Variants in NCAPD3 observed in about 807,000 individuals in gnomAD.
NCAPD3 encodes the protein non-SMC condensin II complex subunit D3, also known as condensin-2 complex subunit D3.
A neutral mutation model predicts 182.9 loss-of-function variants in NCAPD3; 105 were observed. The ratio of observed to expected loss-of-function variants is 0.57; its 90% CI spans 0.49 to 0.68. The LOEUF (loss-of-function observed/expected upper bound fraction) is 0.68, where lower values mean the gene tolerates loss of function less well. NCAPD3 is among the 30% of genes least tolerant of loss of function. NCAPD3 has a pLI of 0.00. For missense variants in NCAPD3, 1,944 were observed against 1,837.0 expected (o/e 1.06, Z -1.07); for synonymous variants, 815 against 679.9 (o/e 1.20, Z -3.09).
In NCAPD3 at chr11:134,151,565, G is replaced by T. The variant is rs1479303945; in HGVS notation, c.*1379C>A. 2.0e-5 allele frequency: 3 copies of T among 152,226 alleles called. No homozygotes were observed. The East Asian group carries it at 5.8e-4, about 29-fold the overall frequency. 9.4% of individuals were successfully genotyped at this position (152,226 alleles called of 1,614,324 possible). ...GTCTGGGAAGTAGCTGCCTATAACTGAGACTAGACGGAAAAGGAATACTCG... is the reference window on the plus strand; with the variant it reads ...GTCTGGGAAGTAGCTGCCTATAACTTAGACTAGACGGAAAAGGAATACTCG... On this transcript the variant is annotated 3_prime_UTR_variant, in exon 35 of 35. Coordinates refer to ENST00000534548, the MANE Select transcript of NCAPD3 (RefSeq NM_015261.3).
At chr11:134,219,318 T>C (rs1203108292) in intron 2 of NCAPD3, among the ~76,000 whole-genome samples, 1 of 152,130 alleles carries the variant, frequency 6.6e-6, no homozygotes, top group Non-Finnish European at 1.5e-5. Context: ...TTTTTCACAG[T>C]GTGGTTCGTA....
At chr11:134,223,564 A>G in intron 1 of NCAPD3, 2 of 690,530 alleles carry the variant, frequency 2.9e-6, no homozygotes, top group South Asian at 1.5e-5. Context: ...GTAAGAATAG[A>G]TAGGTGCACG....
intron 28 of NCAPD3, 130 bp from the exon 29 acceptor site, chr11:134,160,204 A>G (rs1471394401): frequency 4.5e-6 from 4 of 881,568 alleles, no homozygotes; most frequent in Non-Finnish European, 5.1e-6. Flanking sequence ...AACGCAAAAT[A>G]AAAGTTAAGA....
intron 16 of NCAPD3, 133 bp downstream of exon 16, chr11:134,192,556 G>T: frequency 1.4e-6 from 1 of 726,430 alleles, no homozygotes; most frequent in Non-Finnish European, 2.2e-6. Context: ...GGGAAAGAGA[G>T]ACCAATACTT....
rs1271570573 is a variant in NCAPD3 at position 134,220,679 on chromosome 11, A to G, written c.112T>C (p.Leu38=). 1.2e-6 allele frequency: 2 copies of G among 1,614,094 alleles called. No individual in the cohort carries two copies. The highest frequency in any genetic ancestry group is 3.3e-5 in the Admixed American group (2 of 60,012). Residue 38 remains leucine, a synonymous_variant, in exon 2 of 35, where the codon TTG becomes CTG. Coordinates refer to ENST00000534548, the MANE Select transcript of NCAPD3 (RefSeq NM_015261.3). ...ATCTCTGCTTCTATGCTGGGATCCAAAGGCTCAGTCTCTGTGAAATCCAGT... is the reference window on the plus strand; with the variant it reads ...ATCTCTGCTTCTATGCTGGGATCCAGAGGCTCAGTCTCTGTGAAATCCAGT... ...WELDFTETEP[L]DPSIEAEIIE...
chr11:134,172,526 T>A (rs2135966622), intron 24 of NCAPD3, among the ~76,000 whole-genome samples: 1 of 152,304 alleles, frequency 6.6e-6, no homozygotes, highest in East Asian at 1.9e-4. Context: ...CCCTTTTCTA[T>A]CTCAATGGTC....
Position 134,152,741 on chromosome 11 carries a change from A to ATCTC in NCAPD3, c.*199_*202dup. 3 of 469,014 alleles carry ATCTC rather than the reference A, an allele frequency of 6.4e-6. No individual in the cohort carries two copies. In the South Asian group the frequency reaches 1.7e-4, roughly 27 times the overall value. 29.1% of individuals were successfully genotyped at this position (469,014 alleles called of 1,614,324 possible). A position where few individuals can be genotyped will look rare whatever the true frequency, so the allele number is the denominator to read the frequency against. The stretch of plus-strand genomic sequence containing the variant: ...GGGTAAGAAAATCTAAATCTGGCAC[A>ATCTC]TCTCTATTATTTGACAGTGTTTAAC... On this transcript the variant is annotated 3_prime_UTR_variant, in exon 35 of 35. Coordinates refer to ENST00000534548, the MANE Select transcript of NCAPD3 (RefSeq NM_015261.3).
chr11:134,170,848 C>T (rs1209647496), intron 24 of NCAPD3, among the ~76,000 whole-genome samples: 1 of 152,188 alleles, frequency 6.6e-6, no homozygotes, highest in Non-Finnish European at 1.5e-5. Flanking sequence ...AAGCCACAGC[C>T]AATGTGTGAT....
At chr11:134,194,218 C>A in intron 14 of NCAPD3, 68 bp from the exon 15 acceptor site, 1 of 1,487,100 alleles carries the variant, frequency 6.7e-7, no homozygotes, top group South Asian at 1.3e-5. Context: ...AAACTGTTAA[C>A]AAAGGAACAC....
rs1196337427 is a variant in NCAPD3, at chr11:134,206,741, GAA to G, written c.883-11_883-10del. The G allele has an allele frequency of 1.3e-6, 2 of 1,596,654 alleles. No homozygotes were observed. The highest frequency in any genetic ancestry group is 1.8e-5 in the Admixed American group (1 of 55,398). On this transcript the variant is annotated splice_polypyrimidine_tract_variant and intron_variant, in intron 7 of 34. Transcript: ENST00000534548. Reference sequence around the variant, plus strand: ...AAAACACAACTGATGACCTAGAAGAGAAAAGAAAATTCAATTTAAGATCGGAT... The same window carrying G: ...AAAACACAACTGATGACCTAGAAGAGAAGAAAATTCAATTTAAGATCGGAT...
At position 134,216,946 on chromosome 11, in the gene NCAPD3, T is replaced by C. The variant is rs1243006245; in HGVS notation, c.372A>G (p.Leu124=). The change falls in exon 3 of 35, where the codon CTA becomes CTG. Residue 124 remains leucine (L), a synonymous_variant. Coordinates refer to ENST00000534548, the MANE Select transcript of NCAPD3 (RefSeq NM_015261.3). The stretch of plus-strand genomic sequence containing the variant: ...ATCAGGTCTACATACCTGGTACTTC[T>C]AGTAGCAAAAAGTAAAGCCCAGCGG... ...LHAAGLYFLL[L]EVPGSVANQV... The C allele has an allele frequency of 6.2e-7, 1 of 1,610,390 alleles. No individual in the cohort carries two copies. The highest frequency in any genetic ancestry group is 2.2e-5 in the East Asian group (1 of 44,852).
In NCAPD3 at chr11:134,161,895, G is replaced by A. The variant is rs565047074; in HGVS notation, c.3574-4C>T. 1.4e-6 allele frequency: 2 copies of A among 1,440,464 alleles called. No homozygotes were observed. Among genetic ancestry groups the A allele is most frequent in the East Asian group, 2.3e-5 (1 of 43,554 alleles). 89.2% of individuals were successfully genotyped at this position (1,440,464 alleles called of 1,614,324 possible). On this transcript the variant is annotated splice_polypyrimidine_tract_variant and splice_region_variant and intron_variant, in intron 27 of 34. Coordinates refer to ENST00000534548, the MANE Select transcript of NCAPD3 (RefSeq NM_015261.3). ...CTATGAAATTCCTCTTCTGAACCTG[G>A]TAACACAAACAAAGACATGTTTTAG...
intron 24 of NCAPD3, 79 bp from the exon 25 acceptor site, chr11:134,169,133 G>T (rs900190952): frequency 1.4e-6 from 2 of 1,388,808 alleles, no homozygotes; most frequent in African/African-American, 2.9e-5. Flanking sequence ...GAACTCTGCT[G>T]AGCAGAGGAG....
chr11:134,223,680 C>T (rs541480918), intron 1 of NCAPD3, among the ~76,000 whole-genome samples, 183 bp downstream of exon 1: 1 of 152,306 alleles, frequency 6.6e-6, no homozygotes, highest in Admixed American at 6.5e-5. Flanking sequence ...CCGGCTTGAG[C>T]CCCCACGGGA....
intron 29 of NCAPD3, 119 bp downstream of exon 29, chr11:134,159,773 G>A: frequency 1.4e-5 from 15 of 1,085,958 alleles, no homozygotes; most frequent in Non-Finnish European, 1.8e-5. Flanking sequence ...CACTCTCGAG[G>A]CCTTCGGGCT....
At chr11:134,158,733 G>A (rs1421371355) in intron 29 of NCAPD3, among the ~76,000 whole-genome samples, 3 of 152,130 alleles carry the variant, frequency 2.0e-5, no homozygotes, top group African/African-American at 4.8e-5. Context: ...TTGTTAAACT[G>A]TAATATCTCC....
intron 19 of NCAPD3, 130 bp from the exon 20 acceptor site, chr11:134,181,314 C>A (rs925306010): frequency 4.9e-6 from 3 of 612,498 alleles, no homozygotes; most frequent in Middle Eastern, 4.3e-4. Context: ...TAGCTTTCCT[C>A]TTTCCCACAA....
chr11:134,196,566 A>C (rs1454590999), intron 13 of NCAPD3, among the ~76,000 whole-genome samples: 1 of 148,702 alleles, frequency 6.7e-6, no homozygotes, highest in Non-Finnish European at 1.5e-5. Context: ...GATTTGCTTG[A>C]GCTGGGAGGC....
Position 134,160,012 on chromosome 11 carries a change from T to C in NCAPD3, c.3747A>G (p.Ala1249=), listed in dbSNP as rs1253481846. The C allele has an allele frequency of 3.7e-6, 6 of 1,614,194 alleles. No individual in the cohort carries two copies. Among genetic ancestry groups the C allele is most frequent in the East Asian group, 2.2e-5 (1 of 44,882 alleles). ...KDFFAVDKQL[A]SELEYDMKKY... ...TCTTCATGTCATACTCAAGCTCTGA[T>C]GCCAGCTGTTTGTCAACTGCAAAGA... is the stretch of plus-strand genomic sequence containing the variant. Residue 1249 remains alanine (A), a synonymous_variant, in exon 29 of 35, where the codon GCA becomes GCG. Coordinates refer to ENST00000534548, the MANE Select transcript of NCAPD3 (RefSeq NM_015261.3).
Sources: allele counts gnomAD v4.1 joint callset (sites outside exome capture counted in the v4.1 genomes callset), GRCh38; gene constraint gnomAD v4.1.1; transcripts MANE v1.5; gene names NCBI Gene and HGNC (gene_info 2026-07-23, HGNC 2026-07-21).